Variants in DLG2 observed in about 807,000 individuals in gnomAD.
DLG2 encodes disks large homolog 2.
DLG2 carries 45 observed loss-of-function variants against 132.5 expected under a neutral mutation model. The ratio of observed to expected loss-of-function variants is 0.34; its 90% CI spans 0.27 to 0.44. The LOEUF (loss-of-function observed/expected upper bound fraction) is 0.44. Among genes scored for constraint, DLG2 ranks in the 20% least tolerant of loss-of-function variants. The pLI is 1.00. For missense variants in DLG2, 1,045 were observed against 1,196.9 expected, an observed-to-expected ratio of 0.87 and a Z score of 1.87; for synonymous variants, 424 against 419.6, an observed-to-expected ratio of 1.01 and a Z score of -0.13.
chr11:84,483,930 T>G (rs1207508006), intron 7 of DLG2, among the ~76,000 whole-genome samples: 2 of 152,186 alleles, frequency 1.3e-5, no homozygotes, highest in Non-Finnish European at 2.9e-5. Flanking sequence ...TGGCAGTGCA[T>G]GTCATAGCTC....
At chr11:85,318,884 G>T (rs1424250301) in intron 3 of DLG2, among the ~76,000 whole-genome samples, 1 of 151,728 alleles carries the variant, frequency 6.6e-6, no homozygotes, top group Non-Finnish European at 1.5e-5. Flanking sequence ...AGGTATCAAA[G>T]TTTGTCACAT....
chr11:83,986,105 A>T (rs1343263165), intron 11 of DLG2, among the ~76,000 whole-genome samples: 1 of 151,780 alleles, frequency 6.6e-6, no homozygotes, highest in Non-Finnish European at 1.5e-5. Flanking sequence ...CATGTGCACA[A>T]TGTGCAGGTT....
At chr11:85,397,097 A>G (rs189511962) in intron 3 of DLG2, among the ~76,000 whole-genome samples, 163 of 152,354 alleles carry the variant, frequency 1.1e-3, no homozygotes, top group Middle Eastern at 6.8e-3. Flanking sequence ...GAACCCTACA[A>G]GCCAGAAGAG....
chr11:84,918,085 C>T (rs1257071125), intron 6 of DLG2, among the ~76,000 whole-genome samples: 2 of 152,138 alleles, frequency 1.3e-5, no homozygotes, highest in Non-Finnish European at 2.9e-5. Context: ...GTGTCAGCAG[C>T]ATAAGGAGAC....
intron 7 of DLG2, among the ~76,000 whole-genome samples, chr11:84,261,525 C>T (rs1475360807): frequency 6.6e-6 from 1 of 152,196 alleles, no homozygotes; most frequent in Non-Finnish European, 1.5e-5. Context: ...TCAGATCACA[C>T]TGAATTTTAA....
rs527883591 is a variant in DLG2, at chr11:84,530,402, G to A, written c.519+4168C>T. 1.0e-3 allele frequency among the ~76,000 whole-genome samples: 155 copies of A among 152,076 alleles called. 1 individual carries two copies. The highest frequency in any genetic ancestry group is 3.5e-3 in the African/African-American group (147 of 41,504). Reference sequence around the variant, plus strand: ...TTTTTGCAAACTATGCATCCAATAAGGGTCTAATATTCAGAATCCATTAAC... The same window carrying A: ...TTTTTGCAAACTATGCATCCAATAAAGGTCTAATATTCAGAATCCATTAAC... On this transcript the variant is annotated intron_variant, in intron 7 of 27. Transcript: ENST00000376104.
chr11:84,570,023 T>C (rs1476406305), intron 6 of DLG2, among the ~76,000 whole-genome samples: 1 of 152,138 alleles, frequency 6.6e-6, no homozygotes, highest in Non-Finnish European at 1.5e-5. Flanking sequence ...AATAGCTGGG[T>C]GCAATTCTGA....
intron 5 of DLG2, among the ~76,000 whole-genome samples, chr11:85,148,796 T>G (rs1479342647): frequency 6.6e-6 from 1 of 152,244 alleles, no homozygotes; most frequent in Non-Finnish European, 1.5e-5. Flanking sequence ...GCTATTGCTT[T>G]TGGCATGTTC....
chr11:83,631,752 C>T lies in DLG2; in HGVS notation c.1940+1459G>A, dbSNP rs982792528. 11 of 152,184 alleles carry T rather than the reference C, an allele frequency of 7.2e-5. No homozygotes were observed. The South Asian group carries it at 2.3e-3, about 32-fold the overall frequency. The allele number at this position is 152,184 out of a possible 1,614,324, so 9.4% of individuals were successfully genotyped here. A position where few individuals can be genotyped will look rare whatever the true frequency, so the allele number is the denominator to read the frequency against. ...GACACTTGGTAATTTTCCCTCCGAG[C>T]TTTATTATATATATAACCATTTCAG... On this transcript the variant is annotated intron_variant, in intron 19 of 27. Transcript: ENST00000376104.
chr11:85,559,978 T>C (rs1565685662), intron 3 of DLG2, among the ~76,000 whole-genome samples: 1 of 151,732 alleles, frequency 6.6e-6, no homozygotes, highest in Non-Finnish European at 1.5e-5. Context: ...TGTTATGAAC[T>C]AGTAGTAACA....
At chr11:84,102,622 A>G (rs2092624448) in intron 9 of DLG2, among the ~76,000 whole-genome samples, 1 of 152,146 alleles carries the variant, frequency 6.6e-6, no homozygotes, top group African/African-American at 2.4e-5. Context: ...CTCAGGAGGT[A>G]TTTGGCTAGT....
At chr11:84,091,762 G>A (rs1047831443) in intron 10 of DLG2, among the ~76,000 whole-genome samples, 4 of 152,178 alleles carry the variant, frequency 2.6e-5, no homozygotes, top group Admixed American at 6.5e-5. Context: ...TTGGTATCAC[G>A]AGGCTGCATG....
intron 15 of DLG2, among the ~76,000 whole-genome samples, chr11:83,917,806 C>T (rs554842474): frequency 6.6e-6 from 1 of 152,318 alleles, no homozygotes; most frequent in Non-Finnish European, 1.5e-5. Context: ...TAACATACAG[C>T]ATGGTTCCTA....
Position 84,568,867 on chromosome 11 carries a change from A to G in DLG2, c.358-34136T>C, listed in dbSNP as rs545894844. Among the ~76,000 whole-genome samples, 27 of 152,310 alleles carry G rather than the reference A, an allele frequency of 1.8e-4. No individual in the cohort carries two copies. In the South Asian group the frequency reaches 5.6e-3, roughly 32 times the overall value. On this transcript the variant is annotated intron_variant, in intron 6 of 27. Transcript: ENST00000376104. Reference sequence around the variant, plus strand: ...AGCCAAAAGCCTACCTCGTGGCTCCACCTGACTGGGAGGCAATCTTTAATT... The same window carrying G: ...AGCCAAAAGCCTACCTCGTGGCTCCGCCTGACTGGGAGGCAATCTTTAATT...
At chr11:84,888,431 A>G (rs911930127) in intron 6 of DLG2, among the ~76,000 whole-genome samples, 6 of 152,102 alleles carry the variant, frequency 3.9e-5, no homozygotes, top group African/African-American at 1.4e-4. Context: ...CTAGGACTTA[A>G]AACAGCACCA....
intron 11 of DLG2, among the ~76,000 whole-genome samples, chr11:84,018,716 C>T (rs1566061210): frequency 1.3e-5 from 2 of 151,320 alleles, no homozygotes; most frequent in South Asian, 2.1e-4. Context: ...TATGGGTATA[C>T]ATTAGAGATG....
intron 18 of DLG2, among the ~76,000 whole-genome samples, chr11:83,730,513 T>C (rs1161276702): frequency 6.6e-6 from 1 of 152,120 alleles, no homozygotes; most frequent in African/African-American, 2.4e-5. Flanking sequence ...AAGCAGCACA[T>C]AGATTTACAA....
chr11:85,199,831 A>AT (rs2081320417), intron 4 of DLG2, among the ~76,000 whole-genome samples: 1 of 152,226 alleles, frequency 6.6e-6, no homozygotes, highest in African/African-American at 2.4e-5. Context: ...TAGACTCTAG[A>AT]TCCCAAACCT....
At chr11:83,948,335 C>T (rs1400110586) in intron 14 of DLG2, among the ~76,000 whole-genome samples, 2 of 152,086 alleles carry the variant, frequency 1.3e-5, no homozygotes, top group Non-Finnish European at 2.9e-5. Context: ...TGCAGTGAGA[C>T]ACCCTCACAA....
Sources: gnomAD v4.1 joint callset for allele counts (sites outside exome capture counted in the v4.1 genomes callset) on GRCh38, gnomAD v4.1.1 for gene constraint, MANE v1.5 for transcripts, NCBI Gene and HGNC (gene_info 2026-07-23, HGNC 2026-07-21) for gene names.